Variants in DPP10 observed in about 807,000 individuals in gnomAD.
DPP10 encodes the protein inactive dipeptidyl peptidase 10.
A neutral mutation model predicts 120.9 loss-of-function variants in DPP10; 33 were observed. The observed-to-expected ratio is 0.27, with a 90% confidence interval of 0.21 to 0.37. The LOEUF is 0.37. Ranked by LOEUF, DPP10 falls within the 10% of genes least tolerant of loss-of-function variation. The pLI, the probability that DPP10 is intolerant of heterozygous loss-of-function variation, is 1.00. For synonymous variants in DPP10, 337 were observed against 326.1 expected, an observed-to-expected ratio of 1.03 and a Z score of -0.36; for missense variants, 816 against 942.8, an observed-to-expected ratio of 0.87 and a Z score of 1.76.
intron 1 of DPP10, among the ~76,000 whole-genome samples, chr2:115,143,084 G>A (rs2051018468): frequency 6.6e-6 from 1 of 152,100 alleles, no homozygotes; most frequent in African/African-American, 2.4e-5. Flanking sequence ...TTCATTCTGT[G>A]GATACTAAGC....
intron 19 of DPP10, among the ~76,000 whole-genome samples, chr2:115,800,623 G>A (rs931680684): frequency 1.3e-5 from 2 of 152,080 alleles, no homozygotes; most frequent in African/African-American, 2.4e-5. Context: ...TAAGGTGTAA[G>A]GGAGGGATCC....
chr2:115,279,178 T>C (rs1190902212), intron 1 of DPP10, among the ~76,000 whole-genome samples: 2 of 152,066 alleles, frequency 1.3e-5, no homozygotes, highest in Non-Finnish European at 2.9e-5. Flanking sequence ...ATGGACATCA[T>C]TGATTTGACC....
At chr2:115,515,831 G>A (rs2077476180) in intron 4 of DPP10, among the ~76,000 whole-genome samples, 1 of 151,986 alleles carries the variant, frequency 6.6e-6, no homozygotes, top group Non-Finnish European at 1.5e-5. Context: ...CCCTATAAGA[G>A]TTGGAAATAT....
chr2:114,497,330 TACATGTACATATACATAC>T (rs74189815), intron 1 of DPP10, among the ~76,000 whole-genome samples: 10,002 of 32,526 alleles, frequency 0.31, 853 homozygotes, highest in East Asian at 0.51. Flanking sequence ...TATACGTGTA[TACATGTACATATACATAC>T]ACATGTACAT....
intron 2 of DPP10, among the ~76,000 whole-genome samples, chr2:115,328,024 C>G (rs1034030966): frequency 2.6e-5 from 4 of 151,926 alleles, no homozygotes; most frequent in Non-Finnish European, 5.9e-5. Flanking sequence ...TTCTGTGACC[C>G]CTGTCTTCCT....
At chr2:115,529,008 T>C (rs1479984015) in intron 5 of DPP10, among the ~76,000 whole-genome samples, 1 of 152,136 alleles carries the variant, frequency 6.6e-6, no homozygotes, top group African/African-American at 2.4e-5. Context: ...TCTTATAGTT[T>C]TATAAGATAG....
chr2:115,619,192 C>T (rs1290000972), intron 5 of DPP10, among the ~76,000 whole-genome samples: 1 of 148,848 alleles, frequency 6.7e-6, no homozygotes, highest in African/African-American at 2.5e-5. Context: ...GGCTCACTGC[C>T]TCAGCCTCCC....
At chr2:114,444,790 C>A (rs1322741195) in intron 1 of DPP10, among the ~76,000 whole-genome samples, 1 of 152,118 alleles carries the variant, frequency 6.6e-6, no homozygotes, top group Non-Finnish European at 1.5e-5. Flanking sequence ...AAGTTAAATT[C>A]TTTTGTGCAC....
chr2:115,368,640 A>G (rs1458529137), intron 3 of DPP10, among the ~76,000 whole-genome samples: 1 of 151,994 alleles, frequency 6.6e-6, no homozygotes, highest in Non-Finnish European at 1.5e-5. Context: ...ACTTATTACT[A>G]GATTAAAGTG....
intron 19 of DPP10, among the ~76,000 whole-genome samples, chr2:115,796,864 T>A (rs868500634): frequency 2.6e-5 from 4 of 152,244 alleles, no homozygotes; most frequent in Middle Eastern, 3.4e-3. Context: ...ATAGGTCATG[T>A]ATGTGTTCCC....
At chr2:115,364,358 C>T (rs2064959795) in intron 3 of DPP10, among the ~76,000 whole-genome samples, 4 of 152,062 alleles carry the variant, frequency 2.6e-5, no homozygotes, top group South Asian at 2.1e-4. Flanking sequence ...GTTTTGTTTT[C>T]GTGCCAGCAT....
In DPP10 at chr2:115,076,377, TA is replaced by T. The variant is rs779015940; in HGVS notation, c.61-232861del. Reference sequence around the variant, plus strand: ...ATTAGGAATTCAGTGCACATAAAAATATTTTTTTTTAGACTGAAGGACTCCT... The same window carrying T: ...ATTAGGAATTCAGTGCACATAAAAATTTTTTTTTTAGACTGAAGGACTCCT... On this transcript the variant is annotated intron_variant, in intron 1 of 25. Transcript: ENST00000410059. Among the ~76,000 whole-genome samples, 17 of 151,338 alleles carry T rather than the reference TA, an allele frequency of 1.1e-4. No individual in the cohort carries two copies. The South Asian group carries it at 1.3e-3, about 11-fold the overall frequency.
At chr2:114,566,095 C>T (rs780129305) in intron 1 of DPP10, among the ~76,000 whole-genome samples, 5 of 152,066 alleles carry the variant, frequency 3.3e-5, no homozygotes, top group African/African-American at 7.2e-5. Context: ...AGAAAGCAGG[C>T]GAGGGAGACA....
chr2:115,756,083 A>G (rs1679367562), intron 11 of DPP10, among the ~76,000 whole-genome samples: 1 of 152,100 alleles, frequency 6.6e-6, no homozygotes, highest in Non-Finnish European at 1.5e-5. Flanking sequence ...GCGAGTCAAC[A>G]CAAAGATAAA....
At chr2:115,163,499 G>A (rs1011937158) in intron 1 of DPP10, among the ~76,000 whole-genome samples, 12 of 152,274 alleles carry the variant, frequency 7.9e-5, no homozygotes, top group Admixed American at 6.5e-4. Flanking sequence ...CATACTCTGA[G>A]ATAAGTATGA....
At chr2:115,527,819 A>G (rs2078222123) in intron 5 of DPP10, among the ~76,000 whole-genome samples, 2 of 152,140 alleles carry the variant, frequency 1.3e-5, no homozygotes, top group Non-Finnish European at 2.9e-5. Context: ...GAATATCACT[A>G]CGAATCTATC....
intron 1 of DPP10, among the ~76,000 whole-genome samples, chr2:114,578,608 G>T (rs1001219221): frequency 6.6e-6 from 1 of 152,202 alleles, no homozygotes; most frequent in Non-Finnish European, 1.5e-5. Context: ...CTTAGCTCAC[G>T]ACAGAAGGAA....
chr2:114,960,991 T>C (rs1368893243), intron 1 of DPP10, among the ~76,000 whole-genome samples: 1 of 142,946 alleles, frequency 7.0e-6, no homozygotes, highest in East Asian at 2.2e-4. Flanking sequence ...CCAGAAAATA[T>C]GTGACATCTG....
At chr2:114,471,457 C>T (rs970319387) in intron 1 of DPP10, among the ~76,000 whole-genome samples, 1 of 152,130 alleles carries the variant, frequency 6.6e-6, no homozygotes, top group African/African-American at 2.4e-5. Context: ...AGCAACCCAT[C>T]TCCTTAGAAT....
Sources: gnomAD v4.1 joint callset for allele counts (sites outside exome capture counted in the v4.1 genomes callset) on GRCh38, gnomAD v4.1.1 for gene constraint, MANE v1.5 for transcripts, NCBI Gene and HGNC (gene_info 2026-07-23, HGNC 2026-07-21) for gene names.